The following SLC1A4 variants were observed in gnomAD, a reference collection of about 807,000 sequenced individuals.
SLC1A4 encodes neutral amino acid transporter A.
Under a neutral mutation model 37.7 loss-of-function variants are expected in SLC1A4, and 19 were observed. The observed-to-expected ratio is 0.50, with a 90% CI of 0.35 to 0.74. The LOEUF (loss-of-function observed/expected upper bound fraction) is 0.74. Ranked by LOEUF, SLC1A4 falls within the 30% of genes least tolerant of loss-of-function variation. The pLI, the probability that SLC1A4 is intolerant of heterozygous loss-of-function variation, is 0.01. For synonymous variants in SLC1A4, 299 were observed against 309.8 expected (o/e 0.97, Z 0.37); for missense variants, 570 against 712.9 (o/e 0.80, Z 2.28).
chr2:65,016,317 G>A, intron 4 of SLC1A4, 123 bp from the exon 5 acceptor site: 3 of 772,552 alleles, frequency 3.9e-6, no homozygotes, highest in Non-Finnish European at 6.8e-6. Context: ...GTTCCTCGGG[G>A]TTATCCTAGG....
chr2:65,021,950 C>T lies in SLC1A4; in HGVS notation c.*804C>T, dbSNP rs550128505. 12 of 152,440 alleles carry T rather than the reference C, an allele frequency of 7.9e-5. No homozygotes were observed. Among genetic ancestry groups the T allele is most frequent in the African/African-American group, 2.9e-4 (12 of 41,592 alleles). 9.4% of individuals were successfully genotyped at this position (152,440 alleles called of 1,614,324 possible). A position where few individuals can be genotyped will look rare whatever the true frequency, so the allele number is the denominator to read the frequency against. ...CCTGGGGCACTTTTCTGCTTCCTTC[C>T]AGAGGCCTGGGCCTCTGATAACACT... is the stretch of plus-strand genomic sequence containing the variant. On this transcript the variant is annotated 3_prime_UTR_variant, in exon 8 of 8. Coordinates refer to ENST00000234256, the MANE Select transcript of SLC1A4 (RefSeq NM_003038.5).
intron 1 of SLC1A4, among the ~76,000 whole-genome samples, chr2:64,994,285 C>T (rs7574431): frequency 0.15 from 22,570 of 152,208 alleles, 1,667 homozygotes; most frequent in East Asian, 0.22. Flanking sequence ...AGTTGACCTC[C>T]GCTATAAATT....
intron 1 of SLC1A4, among the ~76,000 whole-genome samples, chr2:64,995,324 C>A (rs1444708365): frequency 6.6e-6 from 1 of 152,172 alleles, no homozygotes; most frequent in African/African-American, 2.4e-5. Flanking sequence ...AGACCTACAA[C>A]CTAGAATGGT....
At chr2:64,994,740 C>G (rs918135780) in intron 1 of SLC1A4, 1 of 151,884 alleles carries the variant, frequency 6.6e-6, no homozygotes, top group South Asian at 2.1e-4. Context: ...TTAATATTAG[C>G]CCCCTGTGCT....
chr2:65,018,657 A>T lies in SLC1A4; in HGVS notation c.1342A>T (p.Ile448Phe), dbSNP rs1202252758. The T allele has an allele frequency of 6.2e-7, 1 of 1,614,144 alleles. No homozygotes were observed. Among genetic ancestry groups the T allele is most frequent in the East Asian group, 2.2e-5 (1 of 44,870 alleles). Residue 448 changes from isoleucine to phenylalanine, a missense_variant, in exon 7 of 8, where the codon ATC (isoleucine) becomes TTC (phenylalanine). By Grantham distance (21) the Ile-to-Phe change is conservative (BLOSUM62 0). Transcript: ENST00000234256. This position sits in a 1 kb window ranked among gnomAD's most constrained non-coding sequence, Gnocchi z 4.3. ...IGLPTHDLPL[I>F]LAVDWIVDRT... ...GCTGCCTACTCATGACCTGCCTCTG[A>T]TCCTGGCTGTGGACTGGATTGTGTA... is the stretch of plus-strand genomic sequence containing the variant.
intron 1 of SLC1A4, chr2:65,000,961 C>A (rs1277563069): frequency 2.0e-5 from 3 of 152,542 alleles, no homozygotes; most frequent in African/African-American, 7.2e-5. Context: ...CTTGACATTG[C>A]AAACCACTGC....
rs1297066687 is a variant in SLC1A4 at position 65,023,473 on chromosome 2, TCACAAAGC to T, written c.*2330_*2337del. The T allele has an allele frequency of 1.3e-5, 2 of 152,180 alleles. No homozygotes were observed. The highest frequency in any genetic ancestry group is 2.4e-5 in the African/African-American group (1 of 41,432). The allele number at this position is 152,180 out of a possible 1,614,324, so 9.4% of individuals were successfully genotyped here. ...ATTTTCCCATTTCTAAAGATGAATT[TCACAAAGC>T]CATAAAGCGTGAAATTAGAGCTGGA... is the stretch of plus-strand genomic sequence containing the variant. On this transcript the variant is annotated 3_prime_UTR_variant, in exon 8 of 8. Transcript: ENST00000234256.
At chr2:65,013,628 G>T (rs76867347) in intron 4 of SLC1A4, among the ~76,000 whole-genome samples, 269 of 152,298 alleles carry the variant, frequency 1.8e-3, no homozygotes, top group Non-Finnish European at 3.3e-3. Flanking sequence ...ATGTCTAACT[G>T]CAGCAAGAGA....
intron 1 of SLC1A4, among the ~76,000 whole-genome samples, chr2:64,998,097 T>C (rs1673330264): frequency 1.3e-5 from 2 of 152,092 alleles, no homozygotes; most frequent in South Asian, 2.1e-4. Flanking sequence ...ATTAGCCAGG[T>C]GTGGTGGCGG....
At position 64,989,852 on chromosome 2, in the gene SLC1A4, C is replaced by T. The variant is rs572324602; in HGVS notation, c.209C>T (p.Thr70Met). Residue 70 changes from threonine (T) to methionine (M), a missense_variant, in exon 1 of 8, where the codon ACG becomes ATG. Thr to Met is a moderately conservative substitution (Grantham distance 81). Coordinates refer to ENST00000234256, the MANE Select transcript of SLC1A4 (RefSeq NM_003038.5). ...AALRGLSLSR[T>M]QVTYLAFPGE... ...TTGCGCGGGCTCAGCCTGAGCCGCA[C>T]GCAGGTCACCTACCTGGCCTTCCCC... 12 of 1,538,972 alleles carry T rather than the reference C, an allele frequency of 7.8e-6. No individual in the cohort carries two copies. The East Asian group carries it at 2.9e-4, about 38-fold the overall frequency.
In SLC1A4 at chr2:65,018,446, T is replaced by G. The variant is rs1572971437; in HGVS notation, c.1230-99T>G. On this transcript the variant is annotated intron_variant, in intron 6 of 7. Transcript: ENST00000234256. This position sits in a 1 kb window ranked among gnomAD's most constrained non-coding sequence, Gnocchi z 4.3. ...GCCAGCAGAGCCTATGGTGGGGCGG[T>G]TTTTAGTTTCCAGCCACATTGCAGC... 6.5e-7 allele frequency: 1 copy of G among 1,528,070 alleles called. No homozygotes were observed. The highest frequency in any genetic ancestry group is 8.8e-7 in the Non-Finnish European group (1 of 1,130,564). The allele number at this position is 1,528,070 out of a possible 1,614,324, so 94.7% of individuals were successfully genotyped here.
chr2:64,989,181 C>A (rs903569048), upstream of SLC1A4, among the ~76,000 whole-genome samples: 2 of 151,740 alleles, frequency 1.3e-5, no homozygotes, highest in Admixed American at 1.3e-4. Context: ...GCCCCCGCGG[C>A]CTCGGGTGGA....
chr2:65,001,547 T>G, intron 2 of SLC1A4, 57 bp downstream of exon 2: 1 of 1,493,342 alleles, frequency 6.7e-7, no homozygotes, highest in Non-Finnish European at 9.3e-7. Flanking sequence ...ATGTACCAAT[T>G]ACTGCTATAG....
chr2:65,019,492 G>A (rs1674320869), intron 7 of SLC1A4, among the ~76,000 whole-genome samples: 1 of 152,156 alleles, frequency 6.6e-6, no homozygotes, highest in African/African-American at 2.4e-5. Flanking sequence ...CACGGGAACA[G>A]CACACAGAAT....
intron 5 of SLC1A4, 67 bp downstream of exon 5, chr2:65,016,740 G>C: frequency 3.0e-6 from 3 of 984,694 alleles, no homozygotes; most frequent in Non-Finnish European, 4.9e-6. Context: ...GAGCCCAGTG[G>C]TAGATGCACA....
At chr2:65,019,542 GAA>G (rs1398855762) in intron 7 of SLC1A4, among the ~76,000 whole-genome samples, 2 of 152,216 alleles carry the variant, frequency 1.3e-5, no homozygotes, top group Admixed American at 1.3e-4. Flanking sequence ...TGTCAGCAAA[GAA>G]AGACACTCCA....
chr2:65,022,150 C>G lies in SLC1A4; in HGVS notation c.*1004C>G, dbSNP rs1674452815. On this transcript the variant is annotated 3_prime_UTR_variant, in exon 8 of 8. Transcript: ENST00000234256. ...ACTGCAGCAAAAACAAAACCACCAC[C>G]ACCCCAGAGAAAACCATGTACTAAT... 6.6e-6 allele frequency: 1 copy of G among 152,288 alleles called. No homozygotes were observed. Among genetic ancestry groups the G allele is most frequent in the Non-Finnish European group, 1.5e-5 (1 of 68,064 alleles). The allele number at this position is 152,288 out of a possible 1,614,324, so 9.4% of individuals were successfully genotyped here. A position where few individuals can be genotyped will look rare whatever the true frequency, so the allele number is the denominator to read the frequency against.
chr2:64,997,328 T>G (rs1360344096), intron 1 of SLC1A4, among the ~76,000 whole-genome samples: 2 of 152,188 alleles, frequency 1.3e-5, no homozygotes, highest in Non-Finnish European at 2.9e-5. Flanking sequence ...TTAAACAATT[T>G]CAAGGTAGGA....
At chr2:64,991,883 G>A (rs1179388863) in intron 1 of SLC1A4, among the ~76,000 whole-genome samples, 1 of 152,176 alleles carries the variant, frequency 6.6e-6, no homozygotes, top group Non-Finnish European at 1.5e-5. Flanking sequence ...TTACAGGTGT[G>A]AGCCACCCTG....
Sources: allele counts gnomAD v4.1 joint callset (sites outside exome capture counted in the v4.1 genomes callset), GRCh38; gene constraint gnomAD v4.1.1; non-coding constraint Gnocchi (gnomAD v3.1); transcripts MANE v1.5; gene names NCBI Gene and HGNC (gene_info 2026-07-23, HGNC 2026-07-21).